The following ZNF512B variants were observed in gnomAD, a reference collection of about 807,000 sequenced individuals.
The protein encoded by ZNF512B is zinc finger protein 512B.
ZNF512B carries 22 observed loss-of-function variants against 87.8 expected under a neutral mutation model. The ratio of observed to expected loss-of-function variants is 0.25; its 90% CI spans 0.18 to 0.36. ZNF512B has a LOEUF of 0.36. Among genes scored for constraint, ZNF512B ranks in the 10% least tolerant of loss-of-function variants. The pLI, the probability that ZNF512B is intolerant of heterozygous loss-of-function variation, is 1.00. For synonymous variants in ZNF512B, 524 were observed against 490.9 expected, an observed-to-expected ratio of 1.07 and a Z score of -0.89; for missense variants, 1,060 against 1,231.6, an observed-to-expected ratio of 0.86 and a Z score of 2.09.
rs1050377241 is a variant in ZNF512B at position 63,966,939 on chromosome 20, T to G, written c.330A>C (p.Ser110=). 6.2e-7 allele frequency: 1 copy of G among 1,613,826 alleles called. No homozygotes were observed. Among genetic ancestry groups the G allele is most frequent in the Non-Finnish European group, 8.5e-7 (1 of 1,180,020 alleles). The change falls in exon 4 of 17, where the codon TCA becomes TCC. Residue 110 remains serine, a synonymous_variant. Coordinates refer to ENST00000369888, the MANE Select transcript of ZNF512B (RefSeq NM_020713.3). The stretch of plus-strand genomic sequence containing the variant: ...TGCTGGGGAACTCCAGCCAGCACCC[T>G]GAGTTTGGACACTTCACCCTCGAGT... ...KAHSRVKCPN[S]GCWLEFPSIY...
chr20:63,967,635 G>C, intron 2 of ZNF512B, 112 bp from the exon 3 acceptor site: 1 of 1,490,886 alleles, frequency 6.7e-7, no homozygotes, highest in East Asian at 2.3e-5. Context: ...ACCGGGGGCA[G>C]GGGCTGCGGC....
Position 63,958,741 on chromosome 20 carries a change from A to G in ZNF512B, c.*1147T>C, listed in dbSNP as rs1483033117. 6.6e-6 allele frequency: 1 copy of G among 152,364 alleles called. No homozygotes were observed. Among genetic ancestry groups the G allele is most frequent in the Non-Finnish European group, 1.5e-5 (1 of 68,144 alleles). The allele number at this position is 152,364 out of a possible 1,614,324, so 9.4% of individuals were successfully genotyped here. On this transcript the variant is annotated 3_prime_UTR_variant, in exon 17 of 17. Transcript: ENST00000369888. Reference sequence around the variant, plus strand: ...GGGCAAAGACAGCTCTGGAGCTGCCATCAACCTGCTGTGACTTTGGCCAAG... The same window carrying G: ...GGGCAAAGACAGCTCTGGAGCTGCCGTCAACCTGCTGTGACTTTGGCCAAG...
chr20:63,962,543 C>T (rs41278226), intron 13 of ZNF512B, 44 bp downstream of exon 13: 54 of 1,578,472 alleles, frequency 3.4e-5, no homozygotes, highest in Non-Finnish European at 4.3e-5. Flanking sequence ...ATGCCCCACG[C>T]AGAGGCCACG....
chr20:63,962,010 G>A lies in ZNF512B; in HGVS notation c.2266-6C>T. 6.4e-7 allele frequency: 1 copy of A among 1,550,952 alleles called. No homozygotes were observed. The highest frequency in any genetic ancestry group is 8.7e-7 in the Non-Finnish European group (1 of 1,146,896). On this transcript the variant is annotated splice_polypyrimidine_tract_variant and splice_region_variant and intron_variant, in intron 14 of 16. Transcript: ENST00000369888. ...GAGTAGATGGCTTCACAGCACTGCA[G>A]GGAAGGGAGCCGTGGGCGAAGGCCT...
intron 1 of ZNF512B, among the ~76,000 whole-genome samples, chr20:63,969,341 C>T (rs546613180): frequency 2.6e-5 from 4 of 152,226 alleles, no homozygotes; most frequent in African/African-American, 4.8e-5. Flanking sequence ...TCGGCCCTCC[C>T]GAGCCCAGCG....
chr20:63,963,172 G>A lies in ZNF512B; in HGVS notation c.1891C>T (p.Pro631Ser). The change falls in exon 12 of 17, where the codon CCC becomes TCC. Residue 631 changes from proline to serine, a missense_variant. Physicochemically the swap from Pro to Ser is moderately conservative, Grantham distance 74 (BLOSUM62 -1). Around this residue, in one of 9 missense-constraint regions of ZNF512B, gnomAD observed 165 missense variants for 173.0 expected, o/e 0.95. Transcript: ENST00000369888. ...PPCEVDSPSF[P>S]CTHCGKTYRS... ...TACGTCTTGCCACAGTGGGTGCAGG[G>A]GAAGGAGGGGCTGTCCACCTCGCAG... The A allele has an allele frequency of 1.3e-6, 2 of 1,548,624 alleles. No individual in the cohort carries two copies. Among genetic ancestry groups the A allele is most frequent in the Non-Finnish European group, 8.7e-7 (1 of 1,152,382 alleles).
chr20:63,967,895 C>T lies in ZNF512B; in HGVS notation c.56G>A (p.Gly19Asp), dbSNP rs1438987756. ...GRRLPGSSKSGPGKDGSRKEV... is the reference protein window; with the variant it reads ...GRRLPGSSKSDPGKDGSRKEV... ...CTTTCGGCTGCCATCCTTCCCGGGA[C>T]CACTCTTGCTGGACCCCGGGAGCCG... The change falls in exon 2 of 17, where the codon GGT (glycine) becomes GAT (aspartate). Residue 19 changes from glycine (G) to aspartate (D), a missense_variant. Gly to Asp is a moderately conservative substitution (Grantham distance 94). Transcript: ENST00000369888. 1 of 1,613,268 alleles carries T rather than the reference C, an allele frequency of 6.2e-7. No homozygotes were observed. The highest frequency in any genetic ancestry group is 2.2e-5 in the East Asian group (1 of 44,874).
Position 63,960,079 on chromosome 20 carries a change from G to A in ZNF512B, c.2488C>T (p.Pro830Ser), listed in dbSNP as rs745593773. ...AGATTTTTCTTCTTTTCCTTCTTGG[G>A]CACCAATGAGTCCTGGCTCCTGTGT... ...PKHRSQDSLV[P>S]KKEKKKNLAG... The change falls in exon 17 of 17, where the codon CCC becomes TCC. Residue 830 changes from proline to serine, a missense_variant. Coordinates refer to ENST00000369888, the MANE Select transcript of ZNF512B (RefSeq NM_020713.3). The A allele has an allele frequency of 6.2e-7, 1 of 1,613,964 alleles. No individual in the cohort carries two copies.
Position 63,964,135 on chromosome 20 carries a change from C to T in ZNF512B, c.1416G>A (p.Lys472=). The change falls in exon 8 of 17, where the codon AAG becomes AAA. Residue 472 remains lysine, a synonymous_variant. Transcript: ENST00000369888. ...EGPGPEDARK[K]VPAAPITVSK... ...TGACAGTGATGGGGGCAGCTGGCAC[C>T]TTCTTCCGGGCGTCCTCAGGGCCTG... 1 of 1,605,680 alleles carries T rather than the reference C, an allele frequency of 6.2e-7. No individual in the cohort carries two copies. Among genetic ancestry groups the T allele is most frequent in the Non-Finnish European group, 8.5e-7 (1 of 1,177,064 alleles).
chr20:63,963,989 T>C, intron 8 of ZNF512B, 76 bp from the exon 9 acceptor site: 1 of 1,596,554 alleles, frequency 6.3e-7, no homozygotes. Context: ...GAATCCAGTC[T>C]CCACACTCAG....
In ZNF512B at chr20:63,958,010, GGT is replaced by G. The variant is rs1438665214; in HGVS notation, c.*1876_*1877del. The stretch of plus-strand genomic sequence containing the variant: ...AGCCTCCATCCTCTCATCAGGCCGA[GGT>G]GTGCGTGGGTGGGGGGAGTCCGGGT... On this transcript the variant is annotated 3_prime_UTR_variant, in exon 17 of 17. Coordinates refer to ENST00000369888, the MANE Select transcript of ZNF512B (RefSeq NM_020713.3). 6.6e-6 allele frequency: 1 copy of G among 152,266 alleles called. No individual in the cohort carries two copies. Among genetic ancestry groups the G allele is most frequent in the Non-Finnish European group, 1.5e-5 (1 of 68,092 alleles). 9.4% of individuals were successfully genotyped at this position (152,266 alleles called of 1,614,324 possible).
In ZNF512B at chr20:63,956,918, T is replaced by G. The variant is rs888966241; in HGVS notation, c.*2970A>C. ...ATATGTATATATATATGGTTACAAG[T>G]GATAGCTGGAACCTCTTTCAAAATG... is the stretch of plus-strand genomic sequence containing the variant. On this transcript the variant is annotated 3_prime_UTR_variant, in exon 17 of 17. Transcript: ENST00000369888. 6.6e-6 allele frequency: 1 copy of G among 152,492 alleles called. No homozygotes were observed. The highest frequency in any genetic ancestry group is 2.4e-5 in the African/African-American group (1 of 41,426). The allele number at this position is 152,492 out of a possible 1,614,324, so 9.4% of individuals were successfully genotyped here. A position where few individuals can be genotyped will look rare whatever the true frequency, so the allele number is the denominator to read the frequency against.
At position 63,961,105 on chromosome 20, in the gene ZNF512B, G is replaced by T. The variant is rs1236168769; in HGVS notation, c.2427+204C>A. 6.6e-6 allele frequency among the ~76,000 whole-genome samples: 1 copy of T among 152,196 alleles called. No individual in the cohort carries two copies. Among genetic ancestry groups the T allele is most frequent in the Non-Finnish European group, 1.5e-5 (1 of 68,014 alleles). ...GGCGGACACCCCGAGGGCAGCTCCAGCTCAGGGTGCAAGCCTCCCAGTTCT... is the reference window on the plus strand; with the variant it reads ...GGCGGACACCCCGAGGGCAGCTCCATCTCAGGGTGCAAGCCTCCCAGTTCT... On this transcript the variant is annotated intron_variant, in intron 16 of 16. Transcript: ENST00000369888. This position sits in a 1 kb window ranked among gnomAD's most constrained non-coding sequence, Gnocchi z 6.4.
chr20:63,960,359 G>A (rs112648316), intron 16 of ZNF512B, among the ~76,000 whole-genome samples: 9 of 132,684 alleles, frequency 6.8e-5, no homozygotes, highest in South Asian at 2.5e-4. Flanking sequence ...CACAGCCTTC[G>A]GGACCAGGCA....
At position 63,966,430 on chromosome 20, in the gene ZNF512B, T is replaced by A; in HGVS notation, c.745A>T (p.Thr249Ser). The change falls in exon 5 of 17, where the codon ACC (threonine) becomes TCC (serine). Residue 249 changes from threonine (T) to serine (S), a missense_variant. By Grantham distance (58) the Thr-to-Ser change is moderately conservative (BLOSUM62 1). Coordinates refer to ENST00000369888, the MANE Select transcript of ZNF512B (RefSeq NM_020713.3). The stretch of plus-strand genomic sequence containing the variant: ...GGTTTGGTGACCGGCATGGCCTTGG[T>A]GACGGGCATGGGCCTGCTGACTGTG... The part of the protein sequence containing the change: ...PVTVSRPMPV[T>S]KAMPVTKPIT... 6.2e-7 allele frequency: 1 copy of A among 1,614,016 alleles called. No homozygotes were observed. The highest frequency in any genetic ancestry group is 1.1e-5 in the South Asian group (1 of 91,074).
Position 63,964,556 on chromosome 20 carries a change from T to A in ZNF512B, c.1195A>T (p.Met399Leu). 6.2e-7 allele frequency: 1 copy of A among 1,613,080 alleles called. No homozygotes were observed. The highest frequency in any genetic ancestry group is 8.5e-7 in the Non-Finnish European group (1 of 1,179,924). ...GGGCCTGCAGCCTTCAGTGCCTCCA[T>A]GCCCCCTGACGGCCTGCTGCCTGGC... ...LSPGSRPSGG[M>L]EALKAAGPAS... The change falls in exon 6 of 17, where the codon ATG becomes TTG. Residue 399 changes from methionine (M) to leucine (L), a missense_variant. This residue lies in a region of ZNF512B where 212 missense variants were observed against 207.6 expected (regional missense o/e 1.02). Transcript: ENST00000369888.
chr20:63,964,237 GGAGA>G lies in ZNF512B; in HGVS notation c.1334-24_1334-21del, dbSNP rs775942088. ...CCAGGCCTGTGTGCACACATGGGGT[GGAGA>G]GAAACAGGGATGGGCTCAGGGGCTG... On this transcript the variant is annotated intron_variant, in intron 7 of 16. Transcript: ENST00000369888. 86 of 1,608,322 alleles carry G rather than the reference GGAGA, an allele frequency of 5.3e-5. No individual in the cohort carries two copies. The South Asian group carries it at 8.7e-4, about 16-fold the overall frequency.
Position 63,957,679 on chromosome 20 carries a change from C to T in ZNF512B, c.*2209G>A, listed in dbSNP as rs571622617. ...CCCGGAAACTCACCCCCAGCAAAAA[C>T]CAGACCCTCTTCTCTTCTCCCCAAG... On this transcript the variant is annotated 3_prime_UTR_variant, in exon 17 of 17. Coordinates refer to ENST00000369888, the MANE Select transcript of ZNF512B (RefSeq NM_020713.3). 2.6e-5 allele frequency: 4 copies of T among 152,786 alleles called. No homozygotes were observed. Among genetic ancestry groups the T allele is most frequent in the Non-Finnish European group, 4.4e-5 (3 of 68,274 alleles). 9.5% of individuals were successfully genotyped at this position (152,786 alleles called of 1,614,324 possible).
rs139546165 is a variant in ZNF512B at position 63,962,638 on chromosome 20, G to A, written c.2112C>T (p.Arg704=). 90 of 1,607,160 alleles carry A rather than the reference G, an allele frequency of 5.6e-5. No homozygotes were observed. The highest frequency in any genetic ancestry group is 4.2e-4 in the Admixed American group (25 of 59,506). The part of the protein sequence containing the change: ...LQEIAEDELA[R]DWTKRRMKDD... ...CCTTCATGCGCCGCTTGGTCCAGTCGCGGGCCAGCTCGTCCTCCGCTATCT... is the reference window on the plus strand; with the variant it reads ...CCTTCATGCGCCGCTTGGTCCAGTCACGGGCCAGCTCGTCCTCCGCTATCT... The change falls in exon 13 of 17, where the codon CGC becomes CGT. Residue 704 remains arginine (R), a synonymous_variant. Coordinates refer to ENST00000369888, the MANE Select transcript of ZNF512B (RefSeq NM_020713.3).
Sources: gnomAD v4.1 joint callset for allele counts (sites outside exome capture counted in the v4.1 genomes callset) on GRCh38, gnomAD v4.1.1 for gene constraint, gnomAD v4.1.1 regional missense constraint, Gnocchi (gnomAD v3.1) non-coding constraint, MANE v1.5 for transcripts, NCBI Gene and HGNC (gene_info 2026-07-23, HGNC 2026-07-21) for gene names.